The following WARS2 variants were observed in gnomAD, a reference collection of about 807,000 sequenced individuals.
WARS2 encodes the protein tryptophanyl tRNA synthetase 2, mitochondrial, also known as tryptophan--tRNA ligase, mitochondrial.
Under a neutral mutation model 36.5 loss-of-function variants are expected in WARS2, and 28 were observed. The observed-to-expected ratio is 0.77, with a 90% confidence interval of 0.57 to 1.05. The LOEUF (loss-of-function observed/expected upper bound fraction) is 1.05, where lower values mean the gene tolerates loss of function less well. Among genes scored for constraint, WARS2 ranks in the 50% least tolerant of loss-of-function variants. The pLI, the probability that WARS2 is intolerant of heterozygous loss-of-function variation, is 0.00. For synonymous variants in WARS2, 174 were observed against 178.4 expected, an observed-to-expected ratio of 0.98 and a Z score of 0.20; for missense variants, 435 against 456.8, an observed-to-expected ratio of 0.95 and a Z score of 0.44.
intron 3 of WARS2, 94 bp downstream of exon 3, chr1:119,045,488 A>G (rs753741336): frequency 9.6e-7 from 1 of 1,044,370 alleles, no homozygotes; most frequent in Admixed American, 2.0e-5. Context: ...TGAGTGGCAG[A>G]CCAGGGAGGA....
At chr1:119,041,696 G>A (rs1648382802) in intron 4 of WARS2, among the ~76,000 whole-genome samples, 1 of 152,128 alleles carries the variant, frequency 6.6e-6, no homozygotes. Context: ...TAAACACAGA[G>A]CATTCTATTG....
At chr1:119,038,277 C>T (rs1648044178) in intron 4 of WARS2, among the ~76,000 whole-genome samples, 1 of 152,106 alleles carries the variant, frequency 6.6e-6, no homozygotes, top group Non-Finnish European at 1.5e-5. Context: ...GAGCAGACTA[C>T]AGAAATGAGT....
At chr1:119,037,539 G>A (rs1647984838) in intron 4 of WARS2, among the ~76,000 whole-genome samples, 1 of 152,158 alleles carries the variant, frequency 6.6e-6, no homozygotes, top group Non-Finnish European at 1.5e-5. Context: ...TTGCTTGTAG[G>A]ATATGCAATA....
intron 1 of WARS2, among the ~76,000 whole-genome samples, chr1:119,100,163 C>G (rs1653756859): frequency 6.6e-6 from 1 of 151,908 alleles, no homozygotes; most frequent in Non-Finnish European, 1.5e-5. Flanking sequence ...AGATATTCAT[C>G]AAAAGAAGAC....
intron 2 of WARS2, among the ~76,000 whole-genome samples, chr1:119,074,144 A>G (rs1651536350): frequency 6.6e-6 from 1 of 152,196 alleles, no homozygotes; most frequent in Non-Finnish European, 1.5e-5. Context: ...GCATTAGGTG[A>G]CTCAAAAAGT....
At chr1:119,098,753 T>G (rs930802621) in intron 1 of WARS2, among the ~76,000 whole-genome samples, 1 of 146,968 alleles carries the variant, frequency 6.8e-6, no homozygotes, top group Non-Finnish European at 1.5e-5. Context: ...TTATTATTTT[T>G]TAAGACAGAG....
In WARS2 at chr1:119,082,432, T is replaced by C. The variant is rs968532149; in HGVS notation, c.91-5825A>G. ...TCAGAAACATGCCCTGGCCCTTTCA[T>C]GTACTTCATCTCATGTAGTGAAGGT... On this transcript the variant is annotated intron_variant, in intron 1 of 5. Transcript: ENST00000235521. The C allele has an allele frequency of 3.0e-6, 3 of 985,324 alleles. No homozygotes were observed. In the African/African-American group the frequency reaches 5.2e-5, roughly 17 times the overall value. The allele number at this position is 985,324 out of a possible 1,614,324, so 61.0% of individuals were successfully genotyped here. A position where few individuals can be genotyped will look rare whatever the true frequency, so the allele number is the denominator to read the frequency against.
chr1:119,043,893 C>T (rs963564130), intron 3 of WARS2, among the ~76,000 whole-genome samples: 2 of 152,138 alleles, frequency 1.3e-5, no homozygotes, highest in African/African-American at 4.8e-5. Flanking sequence ...CTCAGCAACC[C>T]TCACCCCACC....
chr1:119,035,185 CTT>C (rs1441655765), intron 4 of WARS2, among the ~76,000 whole-genome samples: 2 of 152,078 alleles, frequency 1.3e-5, no homozygotes. Context: ...ATAGAGAAGT[CTT>C]GATGAGGAAA....
intron 1 of WARS2, among the ~76,000 whole-genome samples, chr1:119,120,335 C>G (rs887689006): frequency 6.6e-6 from 1 of 151,770 alleles, no homozygotes; most frequent in Non-Finnish European, 1.5e-5. Flanking sequence ...AATATACAAA[C>G]TTCCTAGATT....
chr1:119,039,727 C>T (rs1294390238), intron 4 of WARS2, among the ~76,000 whole-genome samples: 1 of 152,092 alleles, frequency 6.6e-6, no homozygotes, highest in Non-Finnish European at 1.5e-5. Context: ...CTGAAAGGCT[C>T]CTCTTCCATT....
intron 2 of WARS2, among the ~76,000 whole-genome samples, chr1:119,055,110 T>C (rs1167283029): frequency 6.6e-6 from 1 of 152,146 alleles, no homozygotes; most frequent in Non-Finnish European, 1.5e-5. Flanking sequence ...ATTTCTCAAG[T>C]TGGAAAAAAT....
intron 1 of WARS2, among the ~76,000 whole-genome samples, chr1:119,129,680 A>C (rs1475066946): frequency 6.6e-6 from 1 of 152,052 alleles, no homozygotes; most frequent in African/African-American, 2.4e-5. Context: ...GCACCACTGC[A>C]CTCCAGCCTG....
At chr1:119,111,923 A>AT (rs913622555) in intron 1 of WARS2, among the ~76,000 whole-genome samples, 69 of 145,774 alleles carry the variant, frequency 4.7e-4, no homozygotes, top group African/African-American at 4.0e-4. Context: ...GTTTGTTCAG[A>AT]TTTTTTTTTT....
In WARS2 at chr1:119,089,906, A is replaced by G. The variant is rs587652906; in HGVS notation, c.91-13299T>C. On this transcript the variant is annotated intron_variant, in intron 1 of 5. Coordinates refer to ENST00000235521, the MANE Select transcript of WARS2 (RefSeq NM_015836.4). ...AACCAAATACCACATGTTCTCACTT[A>G]TAAGTGGGAGCTGAATGATGAGAAC... is the stretch of plus-strand genomic sequence containing the variant. Among the ~76,000 whole-genome samples the G allele has an allele frequency of 5.3e-5, 8 of 152,290 alleles. No individual in the cohort carries two copies. The East Asian group carries it at 1.5e-3, about 29-fold the overall frequency.
At chr1:119,066,254 G>A (rs1650842605) in intron 2 of WARS2, among the ~76,000 whole-genome samples, 1 of 152,110 alleles carries the variant, frequency 6.6e-6, no homozygotes, top group Non-Finnish European at 1.5e-5. Flanking sequence ...AAGGTGGGCG[G>A]ATCACAAGGT....
At chr1:119,056,640 T>C (rs1649840221) in intron 2 of WARS2, among the ~76,000 whole-genome samples, 1 of 151,158 alleles carries the variant, frequency 6.6e-6, no homozygotes, top group South Asian at 2.1e-4. Context: ...TTCAGTTCAA[T>C]GAATTCTGAC....
chr1:119,098,442 C>T (rs1653611185), intron 1 of WARS2, among the ~76,000 whole-genome samples: 1 of 152,016 alleles, frequency 6.6e-6, no homozygotes, highest in South Asian at 2.1e-4. Context: ...TATTTTATTA[C>T]TATTTTTCTT....
chr1:119,087,711 A>C (rs898655499), intron 1 of WARS2, among the ~76,000 whole-genome samples: 31 of 152,210 alleles, frequency 2.0e-4, no homozygotes, highest in African/African-American at 7.5e-4. Flanking sequence ...CATATACAGT[A>C]AATTGTTTTT....
Sources: gnomAD v4.1 joint callset for allele counts (sites outside exome capture counted in the v4.1 genomes callset) on GRCh38, gnomAD v4.1.1 for gene constraint, MANE v1.5 for transcripts, NCBI Gene and HGNC (gene_info 2026-07-23, HGNC 2026-07-21) for gene names.